Variants in SV2C observed in about 807,000 individuals in gnomAD.
SV2C encodes the protein synaptic vesicle glycoprotein 2C.
Under a neutral mutation model 79.7 loss-of-function variants are expected in SV2C, and 49 were observed. The ratio of observed to expected loss-of-function variants is 0.61; its 90% CI spans 0.49 to 0.78. SV2C has a LOEUF of 0.78. Among genes scored for constraint, SV2C ranks in the 30% least tolerant of loss-of-function variants. The probability of loss-of-function intolerance (pLI) is 0.00; values close to 1 mark genes in which losing one functional copy is unlikely to be tolerated. For synonymous variants in SV2C, 334 were observed against 333.2 expected, an observed-to-expected ratio of 1.00 and a Z score of -0.03; for missense variants, 833 against 912.9, an observed-to-expected ratio of 0.91 and a Z score of 1.13.
chr5:76,244,367 G>C (rs980813614), intron 4 of SV2C, among the ~76,000 whole-genome samples: 1 of 152,192 alleles, frequency 6.6e-6, no homozygotes. Context: ...CCAAGTTCCT[G>C]CCTTCAAAGA....
chr5:76,150,588 G>GC (rs1265141656), intron 2 of SV2C, among the ~76,000 whole-genome samples: 1 of 145,956 alleles, frequency 6.9e-6, no homozygotes, highest in East Asian at 2.1e-4. Flanking sequence ...AAGCACACCA[G>GC]CAGTGGCCCA....
the SV2C span, among the ~76,000 whole-genome samples, chr5:76,037,142 T>G: frequency 6.6e-6 from 1 of 152,210 alleles, no homozygotes; most frequent in Admixed American, 6.5e-5. Flanking sequence ...AGTTATACCT[T>G]CTTCTAAATT....
chr5:76,111,808 G>A (rs769077458), intron 1 of SV2C, among the ~76,000 whole-genome samples: 1 of 152,184 alleles, frequency 6.6e-6, no homozygotes, highest in Non-Finnish European at 1.5e-5. Context: ...AACTTCTCCT[G>A]TTGGCAACAC....
At chr5:76,303,769 T>C (rs1748092091) in intron 12 of SV2C, among the ~76,000 whole-genome samples, 1 of 152,226 alleles carries the variant, frequency 6.6e-6, no homozygotes, top group Non-Finnish European at 1.5e-5. Context: ...CTTATTTGTA[T>C]TAATTCAGGT....
chr5:76,185,440 T>C (rs1743884548), intron 2 of SV2C, among the ~76,000 whole-genome samples: 1 of 152,232 alleles, frequency 6.6e-6, no homozygotes, highest in African/African-American at 2.4e-5. Context: ...AGATTCTCCA[T>C]GAGGGCTCTG....
At chr5:75,974,442 C>A in the SV2C span, among the ~76,000 whole-genome samples, 1 of 152,080 alleles carries the variant, frequency 6.6e-6, no homozygotes, top group African/African-American at 2.4e-5. Flanking sequence ...AAAGATATAT[C>A]CTTTGCTGAT....
At chr5:76,197,514 G>A (rs1048240098) in intron 3 of SV2C, among the ~76,000 whole-genome samples, 1 of 152,138 alleles carries the variant, frequency 6.6e-6, no homozygotes, top group Admixed American at 6.6e-5. Flanking sequence ...GGACAGGGCT[G>A]AGGGGGGAGT....
the SV2C span, among the ~76,000 whole-genome samples, chr5:75,963,728 T>C: frequency 2.2e-4 from 33 of 152,226 alleles, no homozygotes; most frequent in African/African-American, 4.1e-4. Flanking sequence ...GAAATGATTA[T>C]GTATTTTCTT....
the SV2C span, among the ~76,000 whole-genome samples, chr5:76,017,351 A>G: frequency 6.6e-6 from 1 of 152,092 alleles, no homozygotes; most frequent in Non-Finnish European, 1.5e-5. Flanking sequence ...CAGTGGCGCA[A>G]TCTTGGCTCA....
chr5:76,352,344 G>A (rs1749657902), intron 12 of SV2C, among the ~76,000 whole-genome samples: 1 of 152,210 alleles, frequency 6.6e-6, no homozygotes, highest in Non-Finnish European at 1.5e-5. Context: ...TGCCCCCAAA[G>A]TTCACGTGTT....
At chr5:76,041,478 C>T in the SV2C span, among the ~76,000 whole-genome samples, 2 of 152,118 alleles carry the variant, frequency 1.3e-5, no homozygotes, top group Non-Finnish European at 2.9e-5. Flanking sequence ...CAGAGTTCAC[C>T]CTAGAGAAGA....
chr5:76,323,227 G>T (rs780392410), intron 12 of SV2C, among the ~76,000 whole-genome samples: 16 of 152,126 alleles, frequency 1.1e-4, no homozygotes, highest in Non-Finnish European at 1.9e-4. Context: ...GGGGGCAAAG[G>T]ATATGAACAG....
intron 3 of SV2C, among the ~76,000 whole-genome samples, chr5:76,201,537 C>T (rs1744441362): frequency 6.6e-6 from 1 of 152,168 alleles, no homozygotes; most frequent in East Asian, 1.9e-4. Context: ...CAAATGTGTA[C>T]TTCATAGCTA....
At chr5:76,009,999 T>TG in the SV2C span, among the ~76,000 whole-genome samples, 200 of 138,814 alleles carry the variant, frequency 1.4e-3, 5 homozygotes, top group East Asian at 0.038. Context: ...TTGTTTTTTT[T>TG]TTTTTTTTTT....
the SV2C span, among the ~76,000 whole-genome samples, chr5:76,027,189 G>A: frequency 2.3e-4 from 35 of 150,820 alleles, no homozygotes; most frequent in South Asian, 6.1e-3. Flanking sequence ...AGCATTCTGA[G>A]TAGCTGGGAT....
At chr5:76,153,518 A>G (rs1742625178) in intron 2 of SV2C, among the ~76,000 whole-genome samples, 1 of 152,150 alleles carries the variant, frequency 6.6e-6, no homozygotes. Flanking sequence ...CCTCTGCTAC[A>G]GGTTTCAGAC....
the SV2C span, among the ~76,000 whole-genome samples, chr5:75,983,555 C>G: frequency 6.7e-6 from 1 of 150,010 alleles, no homozygotes; most frequent in South Asian, 2.1e-4. Flanking sequence ...AAAGAGGAGC[C>G]ACATCAAAAT....
chr5:76,344,092 C>A (rs538785878), intron 12 of SV2C, among the ~76,000 whole-genome samples: 2 of 152,298 alleles, frequency 1.3e-5, no homozygotes, highest in African/African-American at 4.8e-5. Flanking sequence ...CCAACCTCTG[C>A]CCCCTGCCCA....
chr5:76,273,012 A>G (rs564966548), intron 4 of SV2C, among the ~76,000 whole-genome samples: 1 of 151,942 alleles, frequency 6.6e-6, no homozygotes, highest in East Asian at 1.9e-4. Context: ...ATGAATATAT[A>G]CAATGTCTAT....
Sources: allele counts gnomAD v4.1 joint callset (sites outside exome capture counted in the v4.1 genomes callset), GRCh38; gene constraint gnomAD v4.1.1; transcripts MANE v1.5; gene names NCBI Gene and HGNC (gene_info 2026-07-23, HGNC 2026-07-21).